Variants in BRINP3 observed in about 807,000 individuals in gnomAD.
BRINP3 encodes the protein BMP/retinoic acid-inducible neural-specific protein 3.
In BRINP3, 19 loss-of-function variants were observed where a neutral mutation model predicts 71.0. That is an observed-to-expected ratio of 0.27 (90% confidence interval 0.19 to 0.39). The LOEUF is 0.39. BRINP3 is among the 10% of genes least tolerant of loss of function. The pLI, the probability that BRINP3 is intolerant of heterozygous loss-of-function variation, is 1.00. For synonymous variants in BRINP3, 380 were observed against 337.7 expected (o/e 1.13, Z -1.37); for missense variants, 959 against 940.8 (o/e 1.02, Z -0.25).
Position 190,098,727 on chromosome 1 carries a change from T to C in BRINP3, c.1592A>G (p.Lys531Arg). 3.7e-6 allele frequency: 6 copies of C among 1,614,212 alleles called. No individual in the cohort carries two copies. The highest frequency in any genetic ancestry group is 5.1e-6 in the Non-Finnish European group (6 of 1,180,042). ...LNSWFDPSWR[K>R]RMLLTLKSNK... The stretch of plus-strand genomic sequence containing the variant: ...GCTCTTCAAGGTGAGGAGCATCCGC[T>C]TACGCCAGGAGGGATCAAACCAGCT... Residue 531 changes from lysine to arginine, a missense_variant, in exon 8 of 8, where the codon AAG becomes AGG. Transcript: ENST00000367462.
chr1:190,315,265 G>A (rs1228703603), intron 2 of BRINP3, among the ~76,000 whole-genome samples: 1 of 152,112 alleles, frequency 6.6e-6, no homozygotes, highest in African/African-American at 2.4e-5. Context: ...GAGAAACAGT[G>A]ATGTTTGAGC....
At chr1:190,254,446 C>A (rs966483390) in intron 4 of BRINP3, among the ~76,000 whole-genome samples, 5 of 152,094 alleles carry the variant, frequency 3.3e-5, no homozygotes, top group African/African-American at 1.2e-4. Flanking sequence ...TCTTTTATTT[C>A]GTTGAGCAGT....
chr1:190,231,142 C>T (rs1012488997), intron 5 of BRINP3, among the ~76,000 whole-genome samples: 2 of 151,608 alleles, frequency 1.3e-5, no homozygotes, highest in African/African-American at 4.8e-5. Flanking sequence ...ATATAATCAG[C>T]TTTTTGAAAA....
chr1:190,105,207 C>T (rs2102259187), intron 7 of BRINP3, among the ~76,000 whole-genome samples: 1 of 152,142 alleles, frequency 6.6e-6, no homozygotes, highest in East Asian at 1.9e-4. Flanking sequence ...AACAGTTTCA[C>T]TCTTGGAAAT....
intron 2 of BRINP3, among the ~76,000 whole-genome samples, chr1:190,443,317 A>C (rs761244507): frequency 1.3e-4 from 20 of 150,936 alleles, no homozygotes; most frequent in Non-Finnish European, 2.8e-4. Flanking sequence ...AGGCAGGAGA[A>C]TGGCGTGAAC....
At chr1:190,342,622 C>T (rs2103116569) in intron 2 of BRINP3, 1 of 151,334 alleles carries the variant, frequency 6.6e-6, no homozygotes, top group African/African-American at 2.4e-5. Context: ...CTCATGAGGG[C>T]TACTGTTGGC....
chr1:190,210,928 T>A (rs1049254393), intron 6 of BRINP3, among the ~76,000 whole-genome samples: 1 of 152,058 alleles, frequency 6.6e-6, no homozygotes, highest in African/African-American at 2.4e-5. Flanking sequence ...TCCATCTTTC[T>A]CCTGTGCCGG....
At chr1:190,440,538 G>T (rs1410739590) in intron 2 of BRINP3, among the ~76,000 whole-genome samples, 3 of 151,820 alleles carry the variant, frequency 2.0e-5, no homozygotes, top group African/African-American at 7.3e-5. Context: ...AATTATAATG[G>T]AATGTCATAG....
rs1656436692 is a variant in BRINP3, at chr1:190,152,018, A to G, written c.1184+8650T>C. On this transcript the variant is annotated intron_variant, in intron 7 of 7. Coordinates refer to ENST00000367462, the MANE Select transcript of BRINP3 (RefSeq NM_199051.3). ...CTAATCATGTTTATTTCCTAATTGTAAAATTTTATGGAGTATTTGGCATGC... is the reference window on the plus strand; with the variant it reads ...CTAATCATGTTTATTTCCTAATTGTGAAATTTTATGGAGTATTTGGCATGC... Among the ~76,000 whole-genome samples the G allele has an allele frequency of 2.0e-5, 3 of 152,250 alleles. No homozygotes were observed. The South Asian group carries it at 6.2e-4, about 32-fold the overall frequency.
Position 190,098,660 on chromosome 1 carries a change from G to A in BRINP3, c.1659C>T (p.Leu553=), listed in dbSNP as rs1238671805. Residue 553 remains leucine (L), a synonymous_variant, in exon 8 of 8, where the codon CTC becomes CTT. Coordinates refer to ENST00000367462, the MANE Select transcript of BRINP3 (RefSeq NM_199051.3). The part of the protein sequence containing the change: ...KSSLVHMILG[L]SLQICLTKNS... ...TTTTAGTTAAGCAAATCTGTAAAGAGAGACCCAAAATCATATGGACCAGAC... is the reference window on the plus strand; with the variant it reads ...TTTTAGTTAAGCAAATCTGTAAAGAAAGACCCAAAATCATATGGACCAGAC... The A allele has an allele frequency of 6.2e-7, 1 of 1,614,174 alleles. No individual in the cohort carries two copies.
At chr1:190,443,409 AAAAAAAAAAG>A (rs1457630317) in intron 2 of BRINP3, among the ~76,000 whole-genome samples, 1 of 151,658 alleles carries the variant, frequency 6.6e-6, no homozygotes, top group Non-Finnish European at 1.5e-5. Context: ...CGTCTCAAAA[AAAAAAAAAAG>A]AAAAGAAAAG....
At chr1:190,425,056 C>G (rs1312702628) in intron 2 of BRINP3, among the ~76,000 whole-genome samples, 1 of 151,550 alleles carries the variant, frequency 6.6e-6, no homozygotes, top group African/African-American at 2.4e-5. Context: ...ACAAAGAGAA[C>G]TGACACTTCA....
chr1:190,420,161 A>G (rs556251350), intron 2 of BRINP3, among the ~76,000 whole-genome samples: 1 of 152,162 alleles, frequency 6.6e-6, no homozygotes, highest in East Asian at 1.9e-4. Flanking sequence ...GGACACAAAC[A>G]GCTGCTCTAA....
At chr1:190,262,739 A>G (rs182218121) in intron 4 of BRINP3, among the ~76,000 whole-genome samples, 1 of 152,288 alleles carries the variant, frequency 6.6e-6, no homozygotes, top group Admixed American at 6.5e-5. Context: ...TGCTTAGATG[A>G]CACACTTCCT....
chr1:190,151,550 AGCCAAAAT>A (rs1407815116), intron 7 of BRINP3, among the ~76,000 whole-genome samples: 2 of 152,212 alleles, frequency 1.3e-5, no homozygotes, highest in African/African-American at 4.8e-5. Context: ...TCTCTATATA[AGCCAAAAT>A]AAAAATTGAG....
At chr1:190,280,060 A>G (rs558974743) in intron 3 of BRINP3, among the ~76,000 whole-genome samples, 2 of 151,932 alleles carry the variant, frequency 1.3e-5, no homozygotes, top group Non-Finnish European at 2.9e-5. Context: ...AACTACAGAT[A>G]ATAAACCAAT....
intron 7 of BRINP3, among the ~76,000 whole-genome samples, chr1:190,132,349 T>C (rs1396079338): frequency 6.6e-6 from 1 of 152,058 alleles, no homozygotes; most frequent in African/African-American, 2.4e-5. Flanking sequence ...CCTCATGTTA[T>C]GCCATTACAA....
At chr1:190,377,383 C>T (rs1375441114) in intron 2 of BRINP3, among the ~76,000 whole-genome samples, 1 of 151,928 alleles carries the variant, frequency 6.6e-6, no homozygotes, top group Non-Finnish European at 1.5e-5. Flanking sequence ...TGGTGAATGA[C>T]TGAAAGCCTT....
At chr1:190,227,511 A>G (rs1289080391) in intron 5 of BRINP3, among the ~76,000 whole-genome samples, 1 of 151,894 alleles carries the variant, frequency 6.6e-6, no homozygotes, top group Admixed American at 6.6e-5. Context: ...TTTGTCACAG[A>G]GATATCTGCA....
Sources: gnomAD v4.1 joint callset for allele counts (sites outside exome capture counted in the v4.1 genomes callset) on GRCh38, gnomAD v4.1.1 for gene constraint, MANE v1.5 for transcripts, NCBI Gene and HGNC (gene_info 2026-07-23, HGNC 2026-07-21) for gene names.